The following FBRSL1 variants were observed in gnomAD, a reference collection of about 807,000 sequenced individuals.
FBRSL1 encodes the protein fibrosin like 1.
A neutral mutation model predicts 89.6 loss-of-function variants in FBRSL1; 51 were observed. The observed-to-expected ratio is 0.57, with a 90% CI of 0.45 to 0.72. The LOEUF is 0.72. FBRSL1 is among the 30% of genes least tolerant of loss of function. The pLI is 0.00. For missense variants in FBRSL1, 1,618 were observed against 1,451.8 expected (o/e 1.11, Z -1.86); for synonymous variants, 779 against 681.1 (o/e 1.14, Z -2.24).
intron 5 of FBRSL1, among the ~76,000 whole-genome samples, chr12:132,560,768 C>T (rs977917688): frequency 6.6e-6 from 1 of 152,232 alleles, no homozygotes; most frequent in Non-Finnish European, 1.5e-5. Flanking sequence ...CCTGAGCCTG[C>T]GGACCCGGAG....
Position 132,508,096 on chromosome 12 carries a change from T to C in FBRSL1, c.292-57T>C. 2.1e-6 allele frequency: 3 copies of C among 1,457,266 alleles called. No homozygotes were observed. In the South Asian group the frequency reaches 3.6e-5, roughly 18 times the overall value. The allele number at this position is 1,457,266 out of a possible 1,614,324, so 90.3% of individuals were successfully genotyped here. On this transcript the variant is annotated intron_variant, in intron 1 of 18. Coordinates refer to ENST00000680143, the MANE Select transcript of FBRSL1 (RefSeq NM_001367871.1). ...AGAGCTGCTCAGGTGGGTGCTGTCC[T>C]GGGCCCAAGGCCCTGGGGTCCCGCC...
At chr12:132,570,988 A>G (rs1282507092) in intron 8 of FBRSL1, 80 bp from the exon 9 acceptor site, 1 of 916,048 alleles carries the variant, frequency 1.1e-6, no homozygotes, top group African/African-American at 1.8e-5. Context: ...GTGTCCCGGG[A>G]TGGGACCAGG....
rs1157363817 is a variant in FBRSL1 at position 132,583,224 on chromosome 12, G to A, written c.2455G>A (p.Gly819Arg). 5.0e-6 allele frequency: 7 copies of A among 1,406,016 alleles called. No individual in the cohort carries two copies. The highest frequency in any genetic ancestry group is 5.8e-5 in the Admixed American group (2 of 34,334). The allele number at this position is 1,406,016 out of a possible 1,614,324, so 87.1% of individuals were successfully genotyped here. Residue 819 changes from glycine to arginine, a missense_variant, in exon 19 of 19, where the codon GGG becomes AGG. Physicochemically the swap from Gly to Arg is moderately radical, Grantham distance 125 (BLOSUM62 -2). Transcript: ENST00000680143. ...AGACGTGAAGGTCAAGGAGGAGCGCGGGGAGGACGAGGCCTCCGAGCCCCC... is the reference window on the plus strand; with the variant it reads ...AGACGTGAAGGTCAAGGAGGAGCGCAGGGAGGACGAGGCCTCCGAGCCCCC... ...PGDVKVKEERGEDEASEPPAG... is the reference protein window; with the variant it reads ...PGDVKVKEERREDEASEPPAG...
At chr12:132,577,484 G>C (rs2040452549) in intron 15 of FBRSL1, among the ~76,000 whole-genome samples, 1 of 152,182 alleles carries the variant, frequency 6.6e-6, no homozygotes, top group African/African-American at 2.4e-5. Context: ...TTGCTCCCGG[G>C]GTCCCAGGAC....
At chr12:132,544,623 G>A (rs1364309259) in intron 4 of FBRSL1, among the ~76,000 whole-genome samples, 1 of 152,058 alleles carries the variant, frequency 6.6e-6, no homozygotes, top group Non-Finnish European at 1.5e-5. Context: ...ATAACTGATG[G>A]TAGTGCTGTT....
At chr12:132,540,776 C>T (rs1239164934) in intron 4 of FBRSL1, among the ~76,000 whole-genome samples, 1 of 151,782 alleles carries the variant, frequency 6.6e-6, no homozygotes. Flanking sequence ...TCCCCGATGG[C>T]AGGAGGACTC....
At chr12:132,518,338 C>T (rs2035031791) in intron 2 of FBRSL1, among the ~76,000 whole-genome samples, 1 of 151,388 alleles carries the variant, frequency 6.6e-6, no homozygotes, top group Non-Finnish European at 1.5e-5. Flanking sequence ...TCTGTCCATC[C>T]ACCCACGCAT....
intron 5 of FBRSL1, chr12:132,552,077 G>A (rs1249160746): frequency 4.9e-6 from 1 of 203,952 alleles, no homozygotes; most frequent in Non-Finnish European, 1.0e-5. Flanking sequence ...CGACCCCGCA[G>A]GCAGCCCACC....
intron 5 of FBRSL1, 134 bp downstream of exon 5, chr12:132,548,166 AG>A: frequency 9.2e-7 from 1 of 1,090,374 alleles, no homozygotes; most frequent in Non-Finnish European, 1.3e-6. Context: ...CGGTGGGTGC[AG>A]GGGGCTTGTG....
chr12:132,522,777 G>C (rs1593331492), intron 2 of FBRSL1, among the ~76,000 whole-genome samples: 1 of 152,326 alleles, frequency 6.6e-6, no homozygotes, highest in African/African-American at 2.4e-5. Flanking sequence ...GGCAACTCAG[G>C]GCTGCAGTGT....
At chr12:132,575,463 A>G (rs1473061798) in intron 14 of FBRSL1, among the ~76,000 whole-genome samples, 5 of 152,116 alleles carry the variant, frequency 3.3e-5, no homozygotes, top group Non-Finnish European at 7.4e-5. Context: ...TCTTGGCCTC[A>G]TGATCCACCC....
intron 5 of FBRSL1, among the ~76,000 whole-genome samples, chr12:132,567,112 C>T (rs1169309299): frequency 6.6e-6 from 1 of 152,194 alleles, no homozygotes; most frequent in African/African-American, 2.4e-5. Flanking sequence ...CAGCAGGGCC[C>T]ACAGCTACTG....
Position 132,511,375 on chromosome 12 carries a change from G to A in FBRSL1, c.489+3025G>A, listed in dbSNP as rs555588450. On this transcript the variant is annotated intron_variant, in intron 2 of 18. Transcript: ENST00000680143. ...TGGTCGGGCACACCTCACACTACAA[G>A]GCTACCCCTGGGCCCATCCCTGCCC... 19 of 985,780 alleles carry A rather than the reference G, an allele frequency of 1.9e-5. No individual in the cohort carries two copies. The East Asian group carries it at 1.7e-3, about 88-fold the overall frequency. 61.1% of individuals were successfully genotyped at this position (985,780 alleles called of 1,614,324 possible).
intron 15 of FBRSL1, among the ~76,000 whole-genome samples, chr12:132,578,290 A>G (rs116602001): frequency 0.024 from 3,618 of 149,730 alleles, 152 homozygotes; most frequent in African/African-American, 0.083. Context: ...GGTTGCAGTG[A>G]GCCGTGATTG....
intron 4 of FBRSL1, among the ~76,000 whole-genome samples, chr12:132,528,773 G>A (rs2136978022): frequency 6.6e-6 from 1 of 152,028 alleles, no homozygotes; most frequent in South Asian, 2.1e-4. Flanking sequence ...GTGTGCCCGG[G>A]GGAAGCAGGT....
At chr12:132,510,836 G>A (rs933829273) in intron 2 of FBRSL1, 8 of 1,079,750 alleles carry the variant, frequency 7.4e-6, no homozygotes, top group South Asian at 9.1e-5. Flanking sequence ...GCCCCTCAGC[G>A]TCTTTCTGTG....
At chr12:132,526,903 G>T (rs2035832705) in intron 3 of FBRSL1, among the ~76,000 whole-genome samples, 1 of 152,104 alleles carries the variant, frequency 6.6e-6, no homozygotes, top group African/African-American at 2.4e-5. Context: ...TGTGTAGCTG[G>T]TGTGATCCAT....
intron 5 of FBRSL1, among the ~76,000 whole-genome samples, chr12:132,550,286 C>T (rs73477773): frequency 0.088 from 11,078 of 125,192 alleles, 689 homozygotes; most frequent in African/African-American, 0.25. Context: ...TCGGGTCACG[C>T]CCACTCTGGG....
Position 132,520,820 on chromosome 12 carries a change from C to T in FBRSL1, c.490-4914C>T, listed in dbSNP as rs141147957. Among the ~76,000 whole-genome samples, 266 of 152,312 alleles carry T rather than the reference C, an allele frequency of 1.7e-3. 1 individual carries two copies. The highest frequency in any genetic ancestry group is 5.9e-3 in the African/African-American group (247 of 41,562). On this transcript the variant is annotated intron_variant, in intron 2 of 18. Transcript: ENST00000680143. ...GGCTCTGGGACTGTCCCTTCGGGAG[C>T]GAAGGCAGCGGAGAGAGGTACCACC...
Sources: gnomAD v4.1 joint callset for allele counts (sites outside exome capture counted in the v4.1 genomes callset) on GRCh38, gnomAD v4.1.1 for gene constraint, MANE v1.5 for transcripts, NCBI Gene and HGNC (gene_info 2026-07-23, HGNC 2026-07-21) for gene names.